BIRC6: variants seen among roughly 807,000 people sequenced by gnomAD.
The protein encoded by BIRC6 is dual E2 ubiquitin-conjugating enzyme/E3 ubiquitin-protein ligase BIRC6.
In BIRC6, 98 loss-of-function variants were observed where a neutral mutation model predicts 503.3. The observed-to-expected ratio is 0.19, with a 90% CI of 0.17 to 0.23. The LOEUF is 0.23. BIRC6 is among the 10% of genes least tolerant of loss of function. BIRC6 has a pLI of 1.00. For missense variants in BIRC6, 5,360 were observed against 5,806.0 expected (o/e 0.92, Z 2.50); for synonymous variants, 2,240 against 2,078.7 (o/e 1.08, Z -2.11).
intron 65 of BIRC6, among the ~76,000 whole-genome samples, chr2:32,556,264 A>G (rs1307217319): frequency 6.6e-6 from 1 of 152,276 alleles, no homozygotes; most frequent in East Asian, 1.9e-4. Context: ...TTATAAGGGG[A>G]GGACAGGTTG....
At chr2:32,566,944 G>A (rs1573054762) in intron 65 of BIRC6, among the ~76,000 whole-genome samples, 2 of 152,238 alleles carry the variant, frequency 1.3e-5, no homozygotes, top group Middle Eastern at 3.4e-3. Flanking sequence ...AGTTTTCTGA[G>A]AATGAAGACA....
chr2:32,529,605 T>C, intron 59 of BIRC6, 46 bp from the exon 60 acceptor site: 1 of 1,425,402 alleles, frequency 7.0e-7, no homozygotes, highest in Non-Finnish European at 9.3e-7. Context: ...ACCAAGTAAA[T>C]GTTTCTTTCT....
At chr2:32,591,066 A>G (rs2061355525) in intron 66 of BIRC6, 1 of 750,906 alleles carries the variant, frequency 1.3e-6, no homozygotes, top group African/African-American at 1.9e-5. Context: ...GCTATAGTTT[A>G]ATGTCAGACA....
At chr2:32,397,736 TA>T (rs2040130364) in intron 6 of BIRC6, among the ~76,000 whole-genome samples, 1 of 150,424 alleles carries the variant, frequency 6.6e-6, no homozygotes, top group Admixed American at 6.6e-5. Context: ...TTTTAGTATA[TA>T]TTTTTTAGGT....
chr2:32,485,202 G>T (rs1305598210), intron 39 of BIRC6, among the ~76,000 whole-genome samples: 1 of 152,142 alleles, frequency 6.6e-6, no homozygotes, highest in African/African-American at 2.4e-5. Context: ...ATGTGTTTGT[G>T]TGTGCGTGTG....
intron 3 of BIRC6, among the ~76,000 whole-genome samples, chr2:32,388,541 G>A (rs756657777): frequency 2.6e-5 from 4 of 152,110 alleles, no homozygotes; most frequent in Non-Finnish European, 4.4e-5. Flanking sequence ...GTCACCCATT[G>A]ATGGATACTT....
chr2:32,528,428 T>G (rs2056461632), intron 59 of BIRC6: 1 of 152,286 alleles, frequency 6.6e-6, no homozygotes. Context: ...TTCACCATGT[T>G]GACCAGGCTG....
chr2:32,606,463 C>T (rs555847940), intron 71 of BIRC6, among the ~76,000 whole-genome samples: 67 of 151,982 alleles, frequency 4.4e-4, no homozygotes, highest in Non-Finnish European at 7.6e-4. Context: ...CTTGGTGATG[C>T]ACGCCTATAG....
chr2:32,488,803 T>A, intron 42 of BIRC6, 89 bp downstream of exon 42: 1 of 962,224 alleles, frequency 1.0e-6, no homozygotes, highest in Non-Finnish European at 1.5e-6. Context: ...TCTTTGTCAT[T>A]AGGGGTTATA....
intron 8 of BIRC6, among the ~76,000 whole-genome samples, chr2:32,405,809 T>C (rs2041144550): frequency 6.6e-6 from 1 of 152,232 alleles, no homozygotes; most frequent in Admixed American, 6.5e-5. Context: ...ATAGAATAGT[T>C]CTTAATGCTT....
At chr2:32,380,618 T>G (rs1046924908) in intron 3 of BIRC6, among the ~76,000 whole-genome samples, 5 of 151,934 alleles carry the variant, frequency 3.3e-5, no homozygotes, top group Admixed American at 6.6e-5. Flanking sequence ...TCCCAGCTAC[T>G]TGGAGGCTGA....
intron 59 of BIRC6, chr2:32,527,680 A>G (rs959943942): frequency 1.3e-5 from 2 of 152,536 alleles, no homozygotes; most frequent in African/African-American, 2.4e-5. Context: ...GTGAAAAAAA[A>G]TGATGTCTGA....
intron 10 of BIRC6, among the ~76,000 whole-genome samples, chr2:32,425,175 ATACT>A (rs539057378): frequency 2.6e-5 from 4 of 152,090 alleles, no homozygotes; most frequent in East Asian, 1.9e-4. Flanking sequence ...TGATTTGCAA[ATACT>A]TACTTTCTCA....
Position 32,357,795 on chromosome 2 carries a change from G to A in BIRC6, c.325+309G>A, listed in dbSNP as rs2033343198. Among the ~76,000 whole-genome samples the A allele has an allele frequency of 6.6e-6, 1 of 152,122 alleles. No homozygotes were observed. The highest frequency in any genetic ancestry group is 1.5e-5 in the Non-Finnish European group (1 of 68,006). ...GAGGAGACCTTGGAGCTTGGCACCG[G>A]AGGAAGCGAGGCCCGGGTAGGCCCT... is the stretch of plus-strand genomic sequence containing the variant. On this transcript the variant is annotated intron_variant, in intron 1 of 73. Coordinates refer to ENST00000421745, the MANE Select transcript of BIRC6 (RefSeq NM_016252.4). This position sits in a 1 kb window ranked among gnomAD's most constrained non-coding sequence, Gnocchi z 4.9.
At position 32,607,366 on chromosome 2, in the gene BIRC6, A is replaced by T. The variant is rs2062545770; in HGVS notation, c.14071-89A>T. The T allele has an allele frequency of 5.6e-6, 5 of 890,128 alleles. No individual in the cohort carries two copies. In the South Asian group the frequency reaches 9.6e-5, roughly 17 times the overall value. The allele number at this position is 890,128 out of a possible 1,614,324, so 55.1% of individuals were successfully genotyped here. On this transcript the variant is annotated intron_variant, in intron 71 of 73. Transcript: ENST00000421745. Reference sequence around the variant, plus strand: ...ATAGAAATTTGTGGAAACACATATTAAAGAAGAGTCTTTGTGGATAAAGCA... The same window carrying T: ...ATAGAAATTTGTGGAAACACATATTTAAGAAGAGTCTTTGTGGATAAAGCA...
intron 23 of BIRC6, among the ~76,000 whole-genome samples, chr2:32,461,549 T>C (rs2047994757): frequency 6.6e-6 from 1 of 151,600 alleles, no homozygotes; most frequent in South Asian, 2.1e-4. Context: ...TTGTGTCCAC[T>C]AAATGAAGGG....
At chr2:32,376,149 G>A (rs1259423014) in intron 1 of BIRC6, among the ~76,000 whole-genome samples, 3 of 147,188 alleles carry the variant, frequency 2.0e-5, no homozygotes, top group East Asian at 2.0e-4. Flanking sequence ...TCATGCCACT[G>A]CACTCCAGCC....
intron 65 of BIRC6, among the ~76,000 whole-genome samples, chr2:32,561,064 G>A (rs979651451): frequency 6.6e-6 from 1 of 151,682 alleles, no homozygotes; most frequent in African/African-American, 2.4e-5. Context: ...CGGGCGTGGT[G>A]GCACGTGCCT....
At chr2:32,368,930 G>T (rs1168078487) in intron 1 of BIRC6, among the ~76,000 whole-genome samples, 1 of 152,178 alleles carries the variant, frequency 6.6e-6, no homozygotes, top group Non-Finnish European at 1.5e-5. Context: ...GGGATTACAG[G>T]TGTGAGCCAC....
Sources: allele counts gnomAD v4.1 joint callset (sites outside exome capture counted in the v4.1 genomes callset), GRCh38; gene constraint gnomAD v4.1.1; non-coding constraint Gnocchi (gnomAD v3.1); transcripts MANE v1.5; gene names NCBI Gene and HGNC (gene_info 2026-07-23, HGNC 2026-07-21).